WASF3: variants seen among roughly 807,000 people sequenced by gnomAD.
WASF3 encodes the protein actin-binding protein WASF3.
WASF3 carries 11 observed loss-of-function variants against 46.6 expected under a neutral mutation model. The observed-to-expected ratio is 0.24, with a 90% CI of 0.15 to 0.39. The LOEUF (loss-of-function observed/expected upper bound fraction) is 0.39. Among genes scored for constraint, WASF3 ranks in the 10% least tolerant of loss-of-function variants. The pLI, the probability that WASF3 is intolerant of heterozygous loss-of-function variation, is 1.00. For missense variants in WASF3, 576 were observed against 669.8 expected (o/e 0.86, Z 1.55); for synonymous variants, 242 against 259.7 (o/e 0.93, Z 0.65).
chr13:26,604,120 T>C (rs1427848767), intron 1 of WASF3, among the ~76,000 whole-genome samples: 1 of 152,152 alleles, frequency 6.6e-6, no homozygotes, highest in Non-Finnish European at 1.5e-5. Flanking sequence ...TGAGTGTGTC[T>C]TCCACCTGTA....
At chr13:26,670,453 C>A (rs1262941366) in intron 5 of WASF3, among the ~76,000 whole-genome samples, 2 of 152,030 alleles carry the variant, frequency 1.3e-5, no homozygotes, top group East Asian at 1.9e-4. Flanking sequence ...GTGTAACAAA[C>A]CTACATGTTC....
chr13:26,687,144 A>G lies in WASF3; in HGVS notation c.*1299A>G, dbSNP rs930457063. 27 of 152,234 alleles carry G rather than the reference A, an allele frequency of 1.8e-4. No homozygotes were observed. Among genetic ancestry groups the G allele is most frequent in the African/African-American group, 5.5e-4 (23 of 41,460 alleles). The allele number at this position is 152,234 out of a possible 1,614,324, so 9.4% of individuals were successfully genotyped here. On this transcript the variant is annotated 3_prime_UTR_variant, in exon 10 of 10. Transcript: ENST00000335327. ...GGGAAACTCAAGAATGACAGCTTCT[A>G]TATTTTGTAATTCTGGATGAAAGAT...
chr13:26,608,802 C>T (rs960972556), intron 1 of WASF3, among the ~76,000 whole-genome samples: 1 of 152,034 alleles, frequency 6.6e-6, no homozygotes, highest in Non-Finnish European at 1.5e-5. Flanking sequence ...AATTCATATT[C>T]GACATTCTTA....
At chr13:26,594,691 T>G (rs747543708) in intron 1 of WASF3, among the ~76,000 whole-genome samples, 1 of 152,192 alleles carries the variant, frequency 6.6e-6, no homozygotes, top group Non-Finnish European at 1.5e-5. Flanking sequence ...CTCTCCCGGT[T>G]ACTTGTAGAT....
intron 3 of WASF3, among the ~76,000 whole-genome samples, chr13:26,651,686 TA>T (rs2137433006): frequency 6.6e-6 from 1 of 152,318 alleles, no homozygotes; most frequent in Admixed American, 6.5e-5. Flanking sequence ...CCAGACAAAG[TA>T]AATATGGGAT....
At chr13:26,563,830 C>CA (rs1879377824) in intron 1 of WASF3, among the ~76,000 whole-genome samples, 1 of 151,154 alleles carries the variant, frequency 6.6e-6, no homozygotes, top group South Asian at 2.1e-4. Context: ...TTAAACATCA[C>CA]AGACATTCTA....
At chr13:26,561,409 A>G (rs1432762011) in intron 1 of WASF3, among the ~76,000 whole-genome samples, 2 of 151,980 alleles carry the variant, frequency 1.3e-5, no homozygotes, top group Non-Finnish European at 2.9e-5. Flanking sequence ...GGGTGATGGC[A>G]CTGTCCTTAG....
At chr13:26,604,145 T>G (rs974699373) in intron 1 of WASF3, among the ~76,000 whole-genome samples, 1 of 152,206 alleles carries the variant, frequency 6.6e-6, no homozygotes, top group East Asian at 1.9e-4. Flanking sequence ...CTGTGTGATT[T>G]TTTTTGGATG....
chr13:26,589,636 A>C (rs1314436546), intron 1 of WASF3, among the ~76,000 whole-genome samples: 2 of 152,180 alleles, frequency 1.3e-5, no homozygotes, highest in African/African-American at 4.8e-5. Context: ...GACTATATCT[A>C]GTATTTAAAG....
At chr13:26,542,565 T>C in the WASF3 span, among the ~76,000 whole-genome samples, 69 of 152,364 alleles carry the variant, frequency 4.5e-4, 3 homozygotes, top group East Asian at 0.013. Context: ...TCAAATGTTT[T>C]TGTATTACAT....
At position 26,621,273 on chromosome 13, in the gene WASF3, G is replaced by A. The variant is rs144216109; in HGVS notation, c.-11+8215G>A. 2.2e-4 allele frequency among the ~76,000 whole-genome samples: 34 copies of A among 152,152 alleles called. No homozygotes were observed. In the East Asian group the frequency reaches 5.4e-3, roughly 24 times the overall value. ...GAGGAATGGGGTTTGTTTTATTTTC[G>A]TTTGTTCAGTTTTTGCATTTCCACT... On this transcript the variant is annotated intron_variant, in intron 2 of 9. Coordinates refer to ENST00000335327, the MANE Select transcript of WASF3 (RefSeq NM_006646.6).
Position 26,612,974 on chromosome 13 carries a change from T to C in WASF3, c.-95T>C, listed in dbSNP as rs1258965399. On this transcript the variant is annotated 5_prime_UTR_variant, in exon 2 of 10. Transcript: ENST00000335327. ...TTTTCTTTGTAGTTTTAGTTTTGAT[T>C]GCTGTTAACTACTACTGATAACTGA... 1 of 152,118 alleles carries C rather than the reference T, an allele frequency of 6.6e-6. No homozygotes were observed. The highest frequency in any genetic ancestry group is 1.5e-5 in the Non-Finnish European group (1 of 68,018). The allele number at this position is 152,118 out of a possible 1,614,324, so 9.4% of individuals were successfully genotyped here.
chr13:26,601,879 T>C (rs1880652506), intron 1 of WASF3, among the ~76,000 whole-genome samples: 2 of 152,210 alleles, frequency 1.3e-5, no homozygotes, highest in African/African-American at 4.8e-5. Context: ...TGCAAAGATA[T>C]CATCACTTCC....
intron 2 of WASF3, among the ~76,000 whole-genome samples, chr13:26,621,834 T>C (rs1881316039): frequency 6.6e-6 from 1 of 152,096 alleles, no homozygotes; most frequent in Non-Finnish European, 1.5e-5. Flanking sequence ...TTAGTGAGTA[T>C]CTTTTGGGAG....
chr13:26,607,781 G>A (rs1330992873), intron 1 of WASF3, among the ~76,000 whole-genome samples: 1 of 152,084 alleles, frequency 6.6e-6, no homozygotes, highest in African/African-American at 2.4e-5. Context: ...AACCACAGGA[G>A]TGGGCCCCCA....
At chr13:26,586,658 A>G (rs1880136394) in intron 1 of WASF3, among the ~76,000 whole-genome samples, 1 of 152,166 alleles carries the variant, frequency 6.6e-6, no homozygotes, top group African/African-American at 2.4e-5. Context: ...GAGAATTGTC[A>G]GGGATACTCA....
chr13:26,550,411 C>T, the WASF3 span, among the ~76,000 whole-genome samples: 1 of 152,088 alleles, frequency 6.6e-6, no homozygotes, highest in East Asian at 1.9e-4. Context: ...ATCTTATACA[C>T]CAACAAGTGC....
At chr13:26,552,026 A>G in the WASF3 span, among the ~76,000 whole-genome samples, 1 of 152,206 alleles carries the variant, frequency 6.6e-6, no homozygotes, top group African/African-American at 2.4e-5. Context: ...AGGCAGGGAT[A>G]GATTTGAGGG....
intron 2 of WASF3, among the ~76,000 whole-genome samples, chr13:26,624,284 CTG>C (rs940194087): frequency 2.0e-5 from 3 of 152,110 alleles, no homozygotes; most frequent in Non-Finnish European, 4.4e-5. Flanking sequence ...TAAATGGAAA[CTG>C]TTGGAAATGT....
Sources: gnomAD v4.1 joint callset for allele counts (sites outside exome capture counted in the v4.1 genomes callset) on GRCh38, gnomAD v4.1.1 for gene constraint, MANE v1.5 for transcripts, NCBI Gene and HGNC (gene_info 2026-07-23, HGNC 2026-07-21) for gene names.